The following RAPH1 variants were observed in gnomAD, a reference collection of about 807,000 sequenced individuals.
RAPH1 encodes the protein ras-associated and pleckstrin homology domains-containing protein 1.
RAPH1 carries 18 observed loss-of-function variants against 88.1 expected under a neutral mutation model. That is an observed-to-expected ratio of 0.20 (90% CI 0.14 to 0.30). The LOEUF (loss-of-function observed/expected upper bound fraction) is 0.30, where lower values mean the gene tolerates loss of function less well. Ranked by LOEUF, RAPH1 falls within the 10% of genes least tolerant of loss-of-function variation. RAPH1 has a pLI of 1.00. For synonymous variants in RAPH1, 587 were observed against 559.0 expected, an observed-to-expected ratio of 1.05 and a Z score of -0.71; for missense variants, 1,448 against 1,543.2, an observed-to-expected ratio of 0.94 and a Z score of 1.03.
At chr2:203,458,950 G>C (rs2098522079) in intron 7 of RAPH1, among the ~76,000 whole-genome samples, 1 of 152,074 alleles carries the variant, frequency 6.6e-6, no homozygotes, top group Non-Finnish European at 1.5e-5. Context: ...TTTTAGTAGA[G>C]ACAGGGTTTC....
At chr2:203,519,193 GGAAAA>G (rs10564912) in intron 1 of RAPH1, among the ~76,000 whole-genome samples, 15,194 of 151,876 alleles carry the variant, frequency 0.1, 1,499 homozygotes, top group African/African-American at 0.26. Context: ...AGACATTATA[GGAAAA>G]GAAAACTATA....
Position 203,495,275 on chromosome 2 carries a change from T to C in RAPH1, c.79A>G (p.Met27Val). 2 of 1,614,100 alleles carry C rather than the reference T, an allele frequency of 1.2e-6. No homozygotes were observed. The highest frequency in any genetic ancestry group is 1.7e-6 in the Non-Finnish European group (2 of 1,180,000). Residue 27 changes from methionine to valine, a missense_variant, in exon 2 of 14, where the codon ATG becomes GTG. Coordinates refer to ENST00000319170, the MANE Select transcript of RAPH1 (RefSeq NM_213589.3). ...SDKEDQDLDK[M>V]FGAWLGELDK... is the part of the protein sequence containing the mutation. ...AGTTCTCCAAGCCAGGCTCCAAACA[T>C]TTTGTCCAGGTCCTGATCTTCCTTG...
At chr2:203,504,913 G>A (rs562233057) in intron 1 of RAPH1, among the ~76,000 whole-genome samples, 1 of 152,262 alleles carries the variant, frequency 6.6e-6, no homozygotes, top group Non-Finnish European at 1.5e-5. Flanking sequence ...AACATAATGA[G>A]AGTCACCTTT....
intron 1 of RAPH1, among the ~76,000 whole-genome samples, chr2:203,514,324 G>C (rs1056681822): frequency 3.9e-5 from 6 of 152,152 alleles, no homozygotes; most frequent in African/African-American, 1.4e-4. Flanking sequence ...TGTCTGAGGT[G>C]CTTTGACTTC....
In RAPH1 at chr2:203,434,298, A is replaced by G. The variant is rs1399846856; in HGVS notation, c.*5139T>C. 3.3e-5 allele frequency: 5 copies of G among 152,528 alleles called. No individual in the cohort carries two copies. Among genetic ancestry groups the G allele is most frequent in the African/African-American group, 9.7e-5 (4 of 41,412 alleles). The allele number at this position is 152,528 out of a possible 1,614,324, so 9.4% of individuals were successfully genotyped here. A position where few individuals can be genotyped will look rare whatever the true frequency, so the allele number is the denominator to read the frequency against. On this transcript the variant is annotated 3_prime_UTR_variant, in exon 14 of 14. Transcript: ENST00000319170. ...GTATACTTCTACATTGTATCTACCT[A>G]TGGCAAAGCTCCCACAGCCTACAAG...
At chr2:203,454,386 T>C (rs762617679) in intron 10 of RAPH1, 44 bp downstream of exon 10, 2 of 1,286,974 alleles carry the variant, frequency 1.6e-6, no homozygotes, top group South Asian at 1.3e-5. Context: ...ACCTGCTCTA[T>C]GTCTAACATC....
chr2:203,440,773 G>T lies in RAPH1; in HGVS notation c.2417C>A (p.Pro806His). 1 of 1,611,694 alleles carries T rather than the reference G, an allele frequency of 6.2e-7. No homozygotes were observed. Reference protein sequence around the residue: ...PVVTQAAPPTPTPPVPPAKKQ... With the variant: ...PVVTQAAPPTHTPPVPPAKKQ... ...TTTTGCTGGGGGCACTGGAGGAGTA[G>T]GTGTGGGTGGTGCAGCTTGAGTCAC... Residue 806 changes from proline (P) to histidine (H), a missense_variant, in exon 14 of 14, where the codon CCT becomes CAT. Physicochemically the swap from Pro to His is moderately conservative, Grantham distance 77. This residue lies in a region of RAPH1 where 935 missense variants were observed against 890.1 expected (regional missense o/e 1.05). Coordinates refer to ENST00000319170, the MANE Select transcript of RAPH1 (RefSeq NM_213589.3).
intron 12 of RAPH1, chr2:203,445,385 C>CT (rs748317508): frequency 1.3e-4 from 23 of 172,312 alleles, no homozygotes; most frequent in Non-Finnish European, 2.6e-4. Context: ...GAGAATCAGC[C>CT]TTTTTAATAC....
chr2:203,494,037 T>G (rs556301568), intron 2 of RAPH1, among the ~76,000 whole-genome samples: 4 of 144,216 alleles, frequency 2.8e-5, no homozygotes, highest in African/African-American at 1.0e-4. Context: ...AATACAGTAT[T>G]AACAGATTAT....
At chr2:203,477,498 T>C (rs548799498) in intron 4 of RAPH1, among the ~76,000 whole-genome samples, 1 of 152,260 alleles carries the variant, frequency 6.6e-6, no homozygotes, top group Admixed American at 6.5e-5. Context: ...AGTGCTCTTA[T>C]TAATTTTTCC....
chr2:203,441,808 A>G, intron 13 of RAPH1: 1 of 1,289,836 alleles, frequency 7.8e-7, no homozygotes. Context: ...GGGAGATGTG[A>G]TGGCTCCAGT....
chr2:203,447,910 A>G, intron 12 of RAPH1, 49 bp downstream of exon 12: 1 of 1,602,498 alleles, frequency 6.2e-7, no homozygotes, highest in Non-Finnish European at 8.5e-7. Context: ...GTCTCTACAG[A>G]GACCTTCATA....
Position 203,470,186 on chromosome 2 carries a change from A to G in RAPH1, c.733-8261T>C, listed in dbSNP as rs1465438820. On this transcript the variant is annotated intron_variant, in intron 4 of 13. Coordinates refer to ENST00000319170, the MANE Select transcript of RAPH1 (RefSeq NM_213589.3). ...AAGAGCATGATCAAAAACAGAAATC[A>G]TATTCTACCTACAAGGCAGTAAATA... is the stretch of plus-strand genomic sequence containing the variant. 1.2e-5 allele frequency: 14 copies of G among 1,169,294 alleles called. 1 individual carries two copies. Among genetic ancestry groups the G allele is most frequent in the East Asian group, 2.4e-5 (1 of 42,166 alleles). 72.4% of individuals were successfully genotyped at this position (1,169,294 alleles called of 1,614,324 possible). A position where few individuals can be genotyped will look rare whatever the true frequency, so the allele number is the denominator to read the frequency against.
chr2:203,448,940 G>T lies in RAPH1; in HGVS notation c.1414-104C>A. On this transcript the variant is annotated intron_variant, in intron 10 of 13. Coordinates refer to ENST00000319170, the MANE Select transcript of RAPH1 (RefSeq NM_213589.3). This position sits in a 1 kb window ranked among gnomAD's most constrained non-coding sequence, Gnocchi z 4.1. ...TCCTGACAAGTTATAGGCCATTAGA[G>T]TAATGGCCAATACATTTATGCTTCT... 1 of 598,444 alleles carries T rather than the reference G, an allele frequency of 1.7e-6. No individual in the cohort carries two copies. The highest frequency in any genetic ancestry group is 2.8e-6 in the Non-Finnish European group (1 of 356,494). The allele number at this position is 598,444 out of a possible 1,614,324, so 37.1% of individuals were successfully genotyped here.
rs1209414767 is a variant in RAPH1 at position 203,435,256 on chromosome 2, T to TA, written c.*4180dup. The TA allele has an allele frequency of 6.6e-6, 1 of 151,848 alleles. No homozygotes were observed. Among genetic ancestry groups the TA allele is most frequent in the East Asian group, 1.9e-4 (1 of 5,176 alleles). 9.4% of individuals were successfully genotyped at this position (151,848 alleles called of 1,614,324 possible). A position where few individuals can be genotyped will look rare whatever the true frequency, so the allele number is the denominator to read the frequency against. On this transcript the variant is annotated 3_prime_UTR_variant, in exon 14 of 14. Transcript: ENST00000319170. ...TTGAATTTTATAAGGAAAGGCTGGG[T>TA]ACAGTGGCTCATGCCTGTAATCTCA...
chr2:203,511,790 A>G (rs1192286983), intron 1 of RAPH1, among the ~76,000 whole-genome samples: 1 of 152,010 alleles, frequency 6.6e-6, no homozygotes, highest in Non-Finnish European at 1.5e-5. Context: ...TATATGAAAA[A>G]CCAAAATCCA....
At chr2:203,452,853 C>CA (rs1406660055) in intron 10 of RAPH1, among the ~76,000 whole-genome samples, 1 of 151,986 alleles carries the variant, frequency 6.6e-6, no homozygotes, top group African/African-American at 2.4e-5. Context: ...GAAGCTAAGG[C>CA]ATGAGAACTA....
In RAPH1 at chr2:203,482,777, T is replaced by C. The variant is rs904018197; in HGVS notation, c.732+6807A>G. ...AAGATGGCACCACTGCACTCCAGCC[T>C]GGGTGACAGAACGAGAATCTGTCTC... is the stretch of plus-strand genomic sequence containing the variant. On this transcript the variant is annotated intron_variant, in intron 4 of 13. Coordinates refer to ENST00000319170, the MANE Select transcript of RAPH1 (RefSeq NM_213589.3). Among the ~76,000 whole-genome samples the C allele has an allele frequency of 3.3e-5, 5 of 152,010 alleles. No homozygotes were observed. In the East Asian group the frequency reaches 9.7e-4, roughly 29 times the overall value.
intron 13 of RAPH1, chr2:203,444,136 AAAAAAGAG>A (rs2098506923): frequency 1.4e-5 from 2 of 145,846 alleles, no homozygotes; most frequent in South Asian, 4.3e-4. Flanking sequence ...AAAGAAGAGA[AAAAAAGAG>A]AGAGAGAGGC....
Sources: gnomAD v4.1 joint callset for allele counts (sites outside exome capture counted in the v4.1 genomes callset) on GRCh38, gnomAD v4.1.1 for gene constraint, gnomAD v4.1.1 regional missense constraint, Gnocchi (gnomAD v3.1) non-coding constraint, MANE v1.5 for transcripts, NCBI Gene and HGNC (gene_info 2026-07-23, HGNC 2026-07-21) for gene names.